The following TAFA2 variants were observed in gnomAD, a reference collection of about 807,000 sequenced individuals.
TAFA2 encodes TAFA chemokine like family member 2.
A neutral mutation model predicts 18.8 loss-of-function variants in TAFA2; 7 were observed. That is an observed-to-expected ratio of 0.37 (90% CI 0.21 to 0.70). The LOEUF (loss-of-function observed/expected upper bound fraction) is 0.70. TAFA2 is among the 30% of genes least tolerant of loss of function. The probability of loss-of-function intolerance (pLI) is 0.53; values close to 1 mark genes in which losing one functional copy is unlikely to be tolerated. For synonymous variants in TAFA2, 60 were observed against 54.2 expected, an observed-to-expected ratio of 1.11 and a Z score of -0.47; for missense variants, 122 against 158.1, an observed-to-expected ratio of 0.77 and a Z score of 1.23.
At chr12:62,097,001 C>T (rs972891433) in intron 1 of TAFA2, among the ~76,000 whole-genome samples, 1 of 152,118 alleles carries the variant, frequency 6.6e-6, no homozygotes, top group Non-Finnish European at 1.5e-5. Flanking sequence ...AGAATGTCTC[C>T]TGTTTAACAC....
At chr12:61,806,567 G>A (rs1871621984) in intron 2 of TAFA2, among the ~76,000 whole-genome samples, 1 of 152,222 alleles carries the variant, frequency 6.6e-6, no homozygotes, top group Admixed American at 6.5e-5. Flanking sequence ...AAGTGACTTT[G>A]GAACTGGGTA....
intron 1 of TAFA2, among the ~76,000 whole-genome samples, chr12:62,041,491 T>C (rs1307336547): frequency 6.6e-6 from 1 of 152,170 alleles, no homozygotes; most frequent in Non-Finnish European, 1.5e-5. Context: ...TCTAGGACAT[T>C]GTGCATAAGG....
At chr12:62,174,792 C>G (rs1488000102) in intron 1 of TAFA2, among the ~76,000 whole-genome samples, 4 of 152,104 alleles carry the variant, frequency 2.6e-5, no homozygotes, top group Non-Finnish European at 5.9e-5. Flanking sequence ...ATTTTGAATA[C>G]GAATATTTCT....
chr12:62,258,236 G>A (rs1321570809), intron 1 of TAFA2: 1 of 152,142 alleles, frequency 6.6e-6, no homozygotes, highest in African/African-American at 2.4e-5. Flanking sequence ...TCTCTTTCCT[G>A]ACTCTGATGG....
At position 61,829,281 on chromosome 12, in the gene TAFA2, T is replaced by C. The variant is rs546039628; in HGVS notation, c.106+38039A>G. 1.6e-4 allele frequency among the ~76,000 whole-genome samples: 25 copies of C among 151,868 alleles called. No homozygotes were observed. The South Asian group carries it at 2.9e-3, about 18-fold the overall frequency. ...AGTGTTAGCCATGGATTTGAGAAGC[T>C]TGAACAGTTAAAATTCTATTTTAAT... On this transcript the variant is annotated intron_variant, in intron 2 of 4. Transcript: ENST00000416284.
intron 1 of TAFA2, among the ~76,000 whole-genome samples, chr12:61,955,633 AT>A (rs57789407): frequency 0.011 from 98 of 8,714 alleles, 2 homozygotes; most frequent in South Asian, 0.025. Flanking sequence ...AAAAAAAAAA[AT>A]ATATATATAT....
At chr12:61,843,534 G>T (rs1873277685) in intron 2 of TAFA2, among the ~76,000 whole-genome samples, 1 of 152,008 alleles carries the variant, frequency 6.6e-6, no homozygotes, top group Admixed American at 6.6e-5. Flanking sequence ...TGTTTTTGAT[G>T]ATTAATTGAA....
At chr12:61,996,046 A>G (rs1226057369) in intron 1 of TAFA2, among the ~76,000 whole-genome samples, 1 of 151,978 alleles carries the variant, frequency 6.6e-6, no homozygotes, top group East Asian at 1.9e-4. Context: ...CATTGTATTG[A>G]TAAGAAATAT....
At chr12:62,098,293 C>T (rs762229147) in intron 1 of TAFA2, among the ~76,000 whole-genome samples, 1 of 151,966 alleles carries the variant, frequency 6.6e-6, no homozygotes, top group South Asian at 2.1e-4. Context: ...GTTTACCTAC[C>T]CATGGCTAGC....
chr12:61,711,545 A>G (rs1016955503), intron 4 of TAFA2, among the ~76,000 whole-genome samples: 1 of 152,082 alleles, frequency 6.6e-6, no homozygotes, highest in African/African-American at 2.4e-5. Flanking sequence ...ACATTACAAA[A>G]GTCTGTTTGG....
chr12:62,043,135 G>A (rs1881808473), intron 1 of TAFA2, among the ~76,000 whole-genome samples: 1 of 152,036 alleles, frequency 6.6e-6, no homozygotes, highest in African/African-American at 2.4e-5. Flanking sequence ...ATTAAATCCT[G>A]CTGTATTTAA....
intron 1 of TAFA2, among the ~76,000 whole-genome samples, chr12:61,981,261 G>A (rs1484134624): frequency 6.6e-6 from 1 of 152,184 alleles, no homozygotes; most frequent in Admixed American, 6.5e-5. Flanking sequence ...GCTATATGTA[G>A]AAAGCTGAAA....
intron 1 of TAFA2, among the ~76,000 whole-genome samples, chr12:62,014,385 T>C (rs1380650242): frequency 2.6e-5 from 4 of 152,164 alleles, no homozygotes; most frequent in Non-Finnish European, 4.4e-5. Context: ...TCCCGGTACT[T>C]TGGGAGGCCA....
intron 1 of TAFA2, among the ~76,000 whole-genome samples, chr12:61,912,832 C>A (rs559838058): frequency 8.5e-5 from 13 of 152,164 alleles, no homozygotes; most frequent in Non-Finnish European, 1.9e-4. Context: ...GGCCTCATTA[C>A]AAGCCAGGGG....
rs73308249 is a variant in TAFA2 at position 61,859,325 on chromosome 12, T to G, written c.106+7995A>C. ...TGCGGGAAACCGCCCCATGATCCAA[T>G]TACTTCCATCTGCTCCCACCATTGA... On this transcript the variant is annotated intron_variant, in intron 2 of 4. Transcript: ENST00000416284. Among the ~76,000 whole-genome samples, 1,245 of 152,290 alleles carry G rather than the reference T, an allele frequency of 8.2e-3. 24 individuals are homozygous for G. The highest frequency in any genetic ancestry group is 0.028 in the African/African-American group (1,171 of 41,560).
chr12:62,252,193 AAT>A (rs1270959008), intron 1 of TAFA2: 1 of 152,212 alleles, frequency 6.6e-6, no homozygotes, highest in East Asian at 1.9e-4. Flanking sequence ...TCAGGTCATC[AAT>A]ACTTTACTAG....
At chr12:61,756,234 A>G (rs1355603687) in intron 2 of TAFA2, among the ~76,000 whole-genome samples, 1 of 152,104 alleles carries the variant, frequency 6.6e-6, no homozygotes, top group African/African-American at 2.4e-5. Context: ...TGTAACATAC[A>G]GCTTTGACAT....
intron 1 of TAFA2, among the ~76,000 whole-genome samples, chr12:62,047,981 C>T (rs1005936525): frequency 3.9e-5 from 6 of 152,100 alleles, no homozygotes; most frequent in Non-Finnish European, 5.9e-5. Context: ...AAATGTGTTA[C>T]GATAAAGTGA....
At chr12:61,942,333 T>TA (rs1200314383) in intron 1 of TAFA2, among the ~76,000 whole-genome samples, 14 of 148,112 alleles carry the variant, frequency 9.5e-5, no homozygotes, top group Non-Finnish European at 1.9e-4. Flanking sequence ...CAAAAGTAGA[T>TA]AAAACCACAA....
Sources: allele counts gnomAD v4.1 joint callset (sites outside exome capture counted in the v4.1 genomes callset), GRCh38; gene constraint gnomAD v4.1.1; transcripts MANE v1.5; gene names NCBI Gene and HGNC (gene_info 2026-07-23, HGNC 2026-07-21).